The following GRID1 variants were observed in gnomAD, a reference collection of about 807,000 sequenced individuals.
GRID1 encodes the protein glutamate receptor ionotropic, delta-1.
A neutral mutation model predicts 98.0 loss-of-function variants in GRID1; 28 were observed. That is an observed-to-expected ratio of 0.29 (90% confidence interval 0.21 to 0.39). The LOEUF (loss-of-function observed/expected upper bound fraction) is 0.39. Among genes scored for constraint, GRID1 ranks in the 10% least tolerant of loss-of-function variants. GRID1 has a pLI of 1.00. For missense variants in GRID1, 1,111 were observed against 1,340.5 expected (o/e 0.83, Z 2.67); for synonymous variants, 553 against 538.5 (o/e 1.03, Z -0.37).
chr10:85,754,692 AC>A (rs529054495), intron 8 of GRID1, among the ~76,000 whole-genome samples: 95 of 152,306 alleles, frequency 6.2e-4, no homozygotes, highest in Middle Eastern at 3.4e-3. Context: ...TCCTTGACTT[AC>A]ATCCAGTGGG....
chr10:86,223,243 G>C (rs1846285777), intron 2 of GRID1, among the ~76,000 whole-genome samples: 1 of 152,170 alleles, frequency 6.6e-6, no homozygotes, highest in African/African-American at 2.4e-5. Flanking sequence ...CTCAGCTCCA[G>C]CCCTGCCCTG....
intron 3 of GRID1, among the ~76,000 whole-genome samples, chr10:86,142,272 A>G (rs1187761175): frequency 6.6e-6 from 1 of 152,238 alleles, no homozygotes; most frequent in African/African-American, 2.4e-5. Context: ...AAGTTTTGGG[A>G]CGGTTTGTTT....
In GRID1 at chr10:86,089,327, C is replaced by T. The variant is rs537215023; in HGVS notation, c.726+49492G>A. Among the ~76,000 whole-genome samples, 5 of 152,190 alleles carry T rather than the reference C, an allele frequency of 3.3e-5. No individual in the cohort carries two copies. The South Asian group carries it at 1.0e-3, about 32-fold the overall frequency. On this transcript the variant is annotated intron_variant, in intron 4 of 15. Transcript: ENST00000327946. ...CTTCCACATCTTCCCAGCAGCAACACAGAACCTCCACCTCAGGTTTCAAAG... is the reference window on the plus strand; with the variant it reads ...CTTCCACATCTTCCCAGCAGCAACATAGAACCTCCACCTCAGGTTTCAAAG...
chr10:86,239,884 G>T (rs1027640575), intron 2 of GRID1, among the ~76,000 whole-genome samples: 25 of 152,056 alleles, frequency 1.6e-4, no homozygotes, highest in Admixed American at 5.2e-4. Flanking sequence ...TCAAATGCAG[G>T]GTCCTTATAG....
intron 3 of GRID1, among the ~76,000 whole-genome samples, chr10:86,176,453 G>A (rs150029382): frequency 6.6e-6 from 1 of 152,340 alleles, no homozygotes; most frequent in Non-Finnish European, 1.5e-5. Context: ...AAGGCACTGA[G>A]GCCTGAAAAA....
At chr10:85,807,591 GA>G (rs1023246667) in intron 8 of GRID1, among the ~76,000 whole-genome samples, 1 of 151,914 alleles carries the variant, frequency 6.6e-6, no homozygotes, top group Non-Finnish European at 1.5e-5. Context: ...ATATTAACTG[GA>G]AAAAAACATA....
intron 3 of GRID1, among the ~76,000 whole-genome samples, chr10:86,167,652 G>A (rs1207586045): frequency 1.3e-5 from 2 of 152,220 alleles, no homozygotes; most frequent in East Asian, 1.9e-4. Flanking sequence ...CATTGTAGCT[G>A]TTTTACAGAT....
chr10:85,680,746 C>T (rs1841199676), intron 12 of GRID1, among the ~76,000 whole-genome samples: 1 of 152,140 alleles, frequency 6.6e-6, no homozygotes, highest in Non-Finnish European at 1.5e-5. Context: ...TCAACACGGG[C>T]ATTATCTTTG....
intron 2 of GRID1, among the ~76,000 whole-genome samples, chr10:86,307,996 C>T (rs181132155): frequency 4.6e-5 from 7 of 152,136 alleles, no homozygotes; most frequent in Admixed American, 2.6e-4. Flanking sequence ...AGGGGATCCC[C>T]GGAACTTACT....
chr10:86,203,358 G>T (rs1564705248), intron 3 of GRID1, among the ~76,000 whole-genome samples: 1 of 151,938 alleles, frequency 6.6e-6, no homozygotes, highest in Non-Finnish European at 1.5e-5. Flanking sequence ...ACTGGGACAG[G>T]CCACAGCCAG....
At chr10:86,249,578 C>T (rs2132047837) in intron 2 of GRID1, among the ~76,000 whole-genome samples, 1 of 152,292 alleles carries the variant, frequency 6.6e-6, no homozygotes, top group African/African-American at 2.4e-5. Flanking sequence ...ATTTGTCTTC[C>T]ACACACCCCG....
At chr10:85,649,683 A>T (rs73326605) in intron 12 of GRID1, among the ~76,000 whole-genome samples, 5,560 of 152,182 alleles carry the variant, frequency 0.037, 334 homozygotes, top group African/African-American at 0.12. Flanking sequence ...TCATCCCCAC[A>T]TTTGAAATGG....
chr10:85,910,625 C>CCA (rs1841524177), intron 5 of GRID1, among the ~76,000 whole-genome samples: 1 of 152,154 alleles, frequency 6.6e-6, no homozygotes, highest in Non-Finnish European at 1.5e-5. Context: ...CTGAAGAAGA[C>CCA]CACACACTGG....
At chr10:85,825,349 T>A (rs944209261) in intron 8 of GRID1, among the ~76,000 whole-genome samples, 6 of 152,120 alleles carry the variant, frequency 3.9e-5, no homozygotes, top group Non-Finnish European at 7.4e-5. Context: ...GAAAAGTGTC[T>A]ATTCATGTCA....
intron 4 of GRID1, among the ~76,000 whole-genome samples, chr10:86,044,019 T>C (rs998875387): frequency 2.0e-5 from 3 of 152,214 alleles, no homozygotes; most frequent in African/African-American, 4.8e-5. Context: ...TTACAGATTA[T>C]TATATAATAC....
chr10:86,059,145 G>A (rs1843615861), intron 4 of GRID1, among the ~76,000 whole-genome samples: 1 of 152,248 alleles, frequency 6.6e-6, no homozygotes, highest in East Asian at 1.9e-4. Context: ...GGAGGATGAG[G>A]ATCCATGTGG....
At chr10:85,780,968 G>A (rs577485445) in intron 8 of GRID1, among the ~76,000 whole-genome samples, 1 of 152,352 alleles carries the variant, frequency 6.6e-6, no homozygotes, top group South Asian at 2.1e-4. Context: ...TGTGTCCATG[G>A]TGAACACCAG....
At chr10:85,634,965 G>A (rs968436232) in intron 13 of GRID1, among the ~76,000 whole-genome samples, 1 of 122,038 alleles carries the variant, frequency 8.2e-6, no homozygotes, top group Admixed American at 1.0e-4. Flanking sequence ...ATCAGACCTG[G>A]GTACAAAGCA....
At chr10:85,832,366 G>T (rs1842874211) in intron 8 of GRID1, among the ~76,000 whole-genome samples, 1 of 151,758 alleles carries the variant, frequency 6.6e-6, no homozygotes, top group African/African-American at 2.4e-5. Context: ...AACTGAAAAG[G>T]ACATTGCCAC....
Sources: allele counts gnomAD v4.1 joint callset (sites outside exome capture counted in the v4.1 genomes callset), GRCh38; gene constraint gnomAD v4.1.1; transcripts MANE v1.5; gene names NCBI Gene and HGNC (gene_info 2026-07-23, HGNC 2026-07-21).